Variants in CCDC171 observed in about 807,000 individuals in gnomAD.
CCDC171 encodes the protein coiled-coil domain-containing protein 171.
A neutral mutation model predicts 168.2 loss-of-function variants in CCDC171; 177 were observed. The observed-to-expected ratio is 1.05, with a 90% CI of 0.93 to 1.19. CCDC171 has a LOEUF of 1.19. Ranked by LOEUF, CCDC171 falls within the 50% of genes most tolerant of loss-of-function variation. The probability of loss-of-function intolerance (pLI) is 0.00; values close to 1 mark genes in which losing one functional copy is unlikely to be tolerated. For synonymous variants in CCDC171, 687 were observed against 540.8 expected, an observed-to-expected ratio of 1.27 and a Z score of -3.75; for missense variants, 1,991 against 1,539.0, an observed-to-expected ratio of 1.29 and a Z score of -4.91.
chr9:15,633,517 G>A (rs1450619906), intron 7 of CCDC171, among the ~76,000 whole-genome samples: 3 of 152,222 alleles, frequency 2.0e-5, no homozygotes, highest in Middle Eastern at 3.4e-3. Context: ...TAAAAAGTCA[G>A]GAAACAACAG....
intron 21 of CCDC171, among the ~76,000 whole-genome samples, chr9:15,794,009 G>C (rs1054921964): frequency 1.2e-5 from 1 of 83,234 alleles, no homozygotes; most frequent in African/African-American, 4.6e-5. Context: ...TACTGGCTAG[G>C]ATACAGTGTT....
intron 25 of CCDC171, among the ~76,000 whole-genome samples, chr9:15,959,210 G>A (rs1433929443): frequency 6.6e-6 from 1 of 152,124 alleles, no homozygotes; most frequent in African/African-American, 2.4e-5. Flanking sequence ...TCATTGTAAG[G>A]ATGACATTAA....
chr9:15,992,282 A>G (rs144306659), intron 3 of CCDC171, among the ~76,000 whole-genome samples: 1 of 152,210 alleles, frequency 6.6e-6, no homozygotes, highest in Non-Finnish European at 1.5e-5. Flanking sequence ...AACATACACA[A>G]ATCAATAAAC....
intron 18 of CCDC171, among the ~76,000 whole-genome samples, chr9:15,770,760 T>C (rs952457446): frequency 1.3e-5 from 2 of 152,202 alleles, no homozygotes; most frequent in African/African-American, 4.8e-5. Flanking sequence ...CTTTTAAAAA[T>C]AGTTTTGTTA....
At chr9:15,990,284 T>G (rs1011030349) in intron 3 of CCDC171, among the ~76,000 whole-genome samples, 81 of 151,304 alleles carry the variant, frequency 5.4e-4, no homozygotes, top group African/African-American at 1.9e-3. Context: ...TCAACATTCT[T>G]AAAAGAATTT....
intron 6 of CCDC171, among the ~76,000 whole-genome samples, chr9:15,606,957 A>T (rs1322086664): frequency 6.6e-6 from 1 of 152,198 alleles, no homozygotes; most frequent in East Asian, 1.9e-4. Flanking sequence ...GTGATTGGAA[A>T]ATATGTTCTG....
chr9:15,667,033 A>G (rs2048783051), intron 9 of CCDC171, among the ~76,000 whole-genome samples: 1 of 152,190 alleles, frequency 6.6e-6, no homozygotes, highest in African/African-American at 2.4e-5. Flanking sequence ...AAGAGTAAGG[A>G]CATACAGCTC....
At chr9:16,003,656 G>A (rs779398771) in intron 3 of CCDC171, among the ~76,000 whole-genome samples, 9 of 152,124 alleles carry the variant, frequency 5.9e-5, no homozygotes, top group South Asian at 2.1e-4. Flanking sequence ...GGCTTTTTCC[G>A]TGTCATTATT....
At chr9:15,712,145 C>G (rs2052717237) in intron 11 of CCDC171, among the ~76,000 whole-genome samples, 1 of 152,218 alleles carries the variant, frequency 6.6e-6, no homozygotes, top group Non-Finnish European at 1.5e-5. Context: ...GGGTTTTATT[C>G]TCTTCAGACC....
At chr9:15,648,260 A>G (rs1277091289) in intron 7 of CCDC171, among the ~76,000 whole-genome samples, 1 of 152,188 alleles carries the variant, frequency 6.6e-6, no homozygotes, top group African/African-American at 2.4e-5. Flanking sequence ...AAATAATAAG[A>G]GCTATCTGTG....
intron 3 of CCDC171, among the ~76,000 whole-genome samples, chr9:16,003,143 A>C (rs556556657): frequency 6.6e-6 from 1 of 152,334 alleles, no homozygotes; most frequent in African/African-American, 2.4e-5. Flanking sequence ...GAAAAATCAA[A>C]AAGAAAACAT....
the CCDC171 span, among the ~76,000 whole-genome samples, chr9:16,084,371 G>A: frequency 1.3e-5 from 2 of 152,064 alleles, no homozygotes; most frequent in South Asian, 4.2e-4. Flanking sequence ...TACCTTTCTT[G>A]TGTTCCTCTC....
rs117978210 is a variant in CCDC171, at chr9:15,758,986, A to G, written c.2671+13355A>G. Among the ~76,000 whole-genome samples, 75 of 152,296 alleles carry G rather than the reference A, an allele frequency of 4.9e-4. 1 individual carries two copies. The East Asian group carries it at 0.012, about 24-fold the overall frequency. On this transcript the variant is annotated intron_variant, in intron 18 of 25. Coordinates refer to ENST00000380701, the MANE Select transcript of CCDC171 (RefSeq NM_173550.4). ...CAGCAGTGTGAAAACAGACTAATAC[A>G]GTGGCCTCCAGCTGCATCCATGTCG...
chr9:16,100,931 G>C, the CCDC171 span, among the ~76,000 whole-genome samples: 1 of 152,194 alleles, frequency 6.6e-6, no homozygotes, highest in South Asian at 2.1e-4. Context: ...CAGGCTCTGT[G>C]ATTCTAGGCA....
At chr9:15,912,339 G>C (rs1823795148) in intron 24 of CCDC171, among the ~76,000 whole-genome samples, 1 of 151,996 alleles carries the variant, frequency 6.6e-6, no homozygotes, top group South Asian at 2.1e-4. Context: ...TCATTATTTG[G>C]CTCTCTGTTT....
the CCDC171 span, among the ~76,000 whole-genome samples, chr9:16,082,700 C>T: frequency 6.6e-6 from 1 of 152,142 alleles, no homozygotes; most frequent in African/African-American, 2.4e-5. Flanking sequence ...TTTTATAAAC[C>T]AGTAACAAAC....
intron 7 of CCDC171, among the ~76,000 whole-genome samples, chr9:15,624,821 T>C (rs1303132781): frequency 6.6e-6 from 1 of 152,226 alleles, no homozygotes; most frequent in Non-Finnish European, 1.5e-5. Context: ...CCTTTGGGTA[T>C]ATGCCCAGTA....
At position 15,553,071 on chromosome 9, in the gene CCDC171, C is replaced by G. The variant is rs2038468559; in HGVS notation, c.-343C>G. Reference sequence around the variant, plus strand: ...AGTCTGGGAAGGTCTGCGAGAGAAGCGGAGTGTTTTCAGCTCCGGAAGTGG... The same window carrying G: ...AGTCTGGGAAGGTCTGCGAGAGAAGGGGAGTGTTTTCAGCTCCGGAAGTGG... On this transcript the variant is annotated 5_prime_UTR_variant, in exon 1 of 26. Transcript: ENST00000380701. The G allele has an allele frequency of 6.6e-6, 1 of 152,468 alleles. No individual in the cohort carries two copies. The highest frequency in any genetic ancestry group is 6.5e-5 in the Admixed American group (1 of 15,274). 9.4% of individuals were successfully genotyped at this position (152,468 alleles called of 1,614,324 possible). A position where few individuals can be genotyped will look rare whatever the true frequency, so the allele number is the denominator to read the frequency against.
chr9:15,554,744 A>C (rs2038646925), intron 1 of CCDC171, among the ~76,000 whole-genome samples: 1 of 152,208 alleles, frequency 6.6e-6, no homozygotes, highest in Non-Finnish European at 1.5e-5. Context: ...TGAAGACAGC[A>C]CTGCGTAGTG....
Sources: allele counts gnomAD v4.1 joint callset (sites outside exome capture counted in the v4.1 genomes callset), GRCh38; gene constraint gnomAD v4.1.1; transcripts MANE v1.5; gene names NCBI Gene and HGNC (gene_info 2026-07-23, HGNC 2026-07-21).